Variants in TNS3 observed in about 807,000 individuals in gnomAD.
TNS3 encodes tensin 3.
In TNS3, 45 loss-of-function variants were observed where a neutral mutation model predicts 140.9. The observed-to-expected ratio is 0.32, with a 90% CI of 0.25 to 0.41. The LOEUF (loss-of-function observed/expected upper bound fraction) is 0.41, where lower values mean the gene tolerates loss of function less well. TNS3 is among the 10% of genes least tolerant of loss of function. The pLI is 1.00. For synonymous variants in TNS3, 815 were observed against 788.4 expected, an observed-to-expected ratio of 1.03 and a Z score of -0.56; for missense variants, 1,716 against 1,906.7, an observed-to-expected ratio of 0.90 and a Z score of 1.86.
chr7:47,341,365 G>T (rs927289372), intron 20 of TNS3, among the ~76,000 whole-genome samples: 1 of 152,178 alleles, frequency 6.6e-6, no homozygotes, highest in Non-Finnish European at 1.5e-5. Flanking sequence ...GAAACCTGAA[G>T]ATTTCTTTTT....
chr7:47,396,697 A>T lies in TNS3; in HGVS notation c.1024+103T>A. The T allele has an allele frequency of 3.1e-6, 3 of 960,440 alleles. No individual in the cohort carries two copies. The South Asian group carries it at 4.3e-5, about 14-fold the overall frequency. 59.5% of individuals were successfully genotyped at this position (960,440 alleles called of 1,614,324 possible). ...CTGGACCTCTGAGAAAACAGGGGAA[A>T]TTTTTTCTTCTTAGCAGACTGCAAA... On this transcript the variant is annotated intron_variant, in intron 16 of 30. Coordinates refer to ENST00000311160, the MANE Select transcript of TNS3 (RefSeq NM_022748.12).
intron 1 of TNS3, among the ~76,000 whole-genome samples, chr7:47,551,758 TGTGTGTTAGATAAGTAGA>T (rs1562851429): frequency 6.6e-6 from 1 of 152,166 alleles, no homozygotes; most frequent in African/African-American, 2.4e-5. Context: ...ACTGTGCACA[TGTGTGTTAGATAAGTAGA>T]GAGTAAGAAG....
At position 47,423,684 on chromosome 7, in the gene TNS3, C is replaced by G. The variant is rs145029909; in HGVS notation, c.473+417G>C. ...GCCCAGGGCTGCTTTCATGTTAGAA[C>G]AGTTGCGATAAAGATCCTGTAGCCT... On this transcript the variant is annotated intron_variant, in intron 10 of 30. Transcript: ENST00000311160. Among the ~76,000 whole-genome samples, 209 of 152,354 alleles carry G rather than the reference C, an allele frequency of 1.4e-3. 1 individual carries two copies. Among genetic ancestry groups the G allele is most frequent in the African/African-American group, 4.8e-3 (200 of 41,574 alleles).
At chr7:47,404,454 G>A (rs976807312) in intron 13 of TNS3, among the ~76,000 whole-genome samples, 8 of 152,126 alleles carry the variant, frequency 5.3e-5, no homozygotes, top group African/African-American at 1.9e-4. Context: ...CTAGAGAGAG[G>A]GCACTTGGTA....
chr7:47,397,552 A>G (rs1792907065), intron 15 of TNS3, among the ~76,000 whole-genome samples: 1 of 152,212 alleles, frequency 6.6e-6, no homozygotes, highest in African/African-American at 2.4e-5. Context: ...AGCCTACTAT[A>G]CTTCTAATTC....
intron 11 of TNS3, among the ~76,000 whole-genome samples, chr7:47,414,473 T>C (rs1170106075): frequency 6.6e-6 from 1 of 152,174 alleles, no homozygotes; most frequent in Non-Finnish European, 1.5e-5. Flanking sequence ...ATGTGCCATT[T>C]GCTCCTGCAT....
At chr7:47,394,918 C>T (rs1334584259) in intron 16 of TNS3, among the ~76,000 whole-genome samples, 3 of 152,226 alleles carry the variant, frequency 2.0e-5, no homozygotes, top group East Asian at 3.8e-4. Flanking sequence ...GGGACAAGAG[C>T]GGGGCACCCA....
intron 4 of TNS3, among the ~76,000 whole-genome samples, chr7:47,455,372 C>T (rs1182691815): frequency 6.6e-6 from 1 of 152,122 alleles, no homozygotes; most frequent in African/African-American, 2.4e-5. Context: ...CACAGCAGGG[C>T]TTTTGCTTTA....
intron 4 of TNS3, chr7:47,453,316 G>A (rs1172784277): frequency 2.1e-6 from 2 of 937,132 alleles, no homozygotes; most frequent in African/African-American, 1.8e-5. Context: ...GAAGCTGAGT[G>A]GCTGTGCCTT....
At chr7:47,375,690 G>T (rs75086169) in intron 16 of TNS3, among the ~76,000 whole-genome samples, 1 of 152,178 alleles carries the variant, frequency 6.6e-6, no homozygotes, top group Non-Finnish European at 1.5e-5. Flanking sequence ...CTTCCATCCC[G>T]GTTGAAAACA....
chr7:47,312,151 G>A (rs538299807), intron 20 of TNS3, among the ~76,000 whole-genome samples: 6 of 152,236 alleles, frequency 3.9e-5, no homozygotes, highest in South Asian at 4.1e-4. Context: ...ACATGTGCAC[G>A]TTTTCTGCTA....
At chr7:47,496,981 T>G (rs1798036434) in intron 3 of TNS3, among the ~76,000 whole-genome samples, 1 of 152,112 alleles carries the variant, frequency 6.6e-6, no homozygotes. Flanking sequence ...AAGAGGCACT[T>G]GGATTCCAGT....
At chr7:47,526,797 C>A (rs1486449157) in intron 2 of TNS3, among the ~76,000 whole-genome samples, 2 of 152,248 alleles carry the variant, frequency 1.3e-5, no homozygotes, top group Non-Finnish European at 2.9e-5. Flanking sequence ...AGGACCAGGG[C>A]TCTCGGATCA....
intron 4 of TNS3, chr7:47,453,298 C>A: frequency 2.1e-6 from 2 of 973,680 alleles, no homozygotes; most frequent in Non-Finnish European, 2.4e-6. Context: ...GGAGAGCCTT[C>A]TGACCAGGAA....
At chr7:47,458,102 C>A (rs1219336599) in intron 4 of TNS3, among the ~76,000 whole-genome samples, 1 of 73,580 alleles carries the variant, frequency 1.4e-5, no homozygotes, top group African/African-American at 3.8e-5. Flanking sequence ...GACGTTTACA[C>A]TACACAGAAA....
intron 20 of TNS3, among the ~76,000 whole-genome samples, chr7:47,329,465 T>C (rs1403501521): frequency 6.6e-6 from 1 of 152,044 alleles, no homozygotes; most frequent in Non-Finnish European, 1.5e-5. Context: ...CTCATCAACC[T>C]GTGAAGAGTG....
chr7:47,431,727 G>A (rs1343996271), intron 8 of TNS3, among the ~76,000 whole-genome samples: 1 of 152,138 alleles, frequency 6.6e-6, no homozygotes, highest in Non-Finnish European at 1.5e-5. Flanking sequence ...AAAAACAATA[G>A]AAAAGATCAA....
At chr7:47,349,699 A>G (rs1272019233) in intron 17 of TNS3, among the ~76,000 whole-genome samples, 5 of 152,238 alleles carry the variant, frequency 3.3e-5, no homozygotes, top group Admixed American at 2.0e-4. Flanking sequence ...TCGGACTGCA[A>G]ACCTTGGAAA....
At chr7:47,288,106 GA>G in intron 27 of TNS3, among the ~76,000 whole-genome samples, 1 of 152,336 alleles carries the variant, frequency 6.6e-6, no homozygotes, top group South Asian at 2.1e-4. Context: ...AGCTTAAGGA[GA>G]AAAGTGAAAT....
Sources: allele counts gnomAD v4.1 joint callset (sites outside exome capture counted in the v4.1 genomes callset), GRCh38; gene constraint gnomAD v4.1.1; transcripts MANE v1.5; gene names NCBI Gene and HGNC (gene_info 2026-07-23, HGNC 2026-07-21).